XPO7: variants seen among roughly 807,000 people sequenced by gnomAD.
XPO7 encodes exportin 7.
In XPO7, 21 loss-of-function variants were observed where a neutral mutation model predicts 144.3. The observed-to-expected ratio is 0.15, with a 90% confidence interval of 0.10 to 0.21. The LOEUF is 0.21. Ranked by LOEUF, XPO7 falls within the 10% of genes least tolerant of loss-of-function variation. XPO7 has a pLI of 1.00. For synonymous variants in XPO7, 580 were observed against 499.6 expected (o/e 1.16, Z -2.15); for missense variants, 808 against 1,325.8 (o/e 0.61, Z 6.06).
chr8:21,932,289 A>G (rs558190441), intron 1 of XPO7, among the ~76,000 whole-genome samples: 16 of 152,330 alleles, frequency 1.1e-4, no homozygotes, highest in African/African-American at 3.6e-4. Context: ...ATATTTTACA[A>G]AACTATTAAG....
intron 24 of XPO7, among the ~76,000 whole-genome samples, chr8:22,001,538 A>G (rs2095296352): frequency 1.3e-5 from 2 of 152,196 alleles, no homozygotes; most frequent in Non-Finnish European, 2.9e-5. Context: ...CAGATAATAC[A>G]GCATACCGTG....
chr8:21,978,461 T>C (rs1812295716), intron 8 of XPO7, among the ~76,000 whole-genome samples: 1 of 152,220 alleles, frequency 6.6e-6, no homozygotes, highest in African/African-American at 2.4e-5. Flanking sequence ...TGCATAGTGT[T>C]TGTTCAGTAG....
Position 21,991,924 on chromosome 8 carries a change from G to T in XPO7, c.2098G>T (p.Ala700Ser). 1 of 1,613,724 alleles carries T rather than the reference G, an allele frequency of 6.2e-7. No homozygotes were observed. Among genetic ancestry groups the T allele is most frequent in the Non-Finnish European group, 8.5e-7 (1 of 1,179,840 alleles). ...GCTGCCACTCACAGCAGCATTTGAG[G>T]CTGTGGCCCAGATGTTTAGCACCAA... ...FMLPLTAAFE[A>S]VAQMFSTNSF... The change falls in exon 19 of 28, where the codon GCT becomes TCT. Residue 700 changes from alanine (A) to serine (S), a missense_variant. Ala to Ser is a moderately conservative substitution (Grantham distance 99). Coordinates refer to ENST00000252512, the MANE Select transcript of XPO7 (RefSeq NM_015024.5).
chr8:21,928,065 A>G (rs1810520970), intron 1 of XPO7, among the ~76,000 whole-genome samples: 1 of 152,248 alleles, frequency 6.6e-6, no homozygotes, highest in South Asian at 2.1e-4. Flanking sequence ...GGATCAAAAT[A>G]TGGAACATTT....
intron 4 of XPO7, 150 bp downstream of exon 4, chr8:21,970,460 A>T (rs187159562): frequency 1.1e-6 from 1 of 904,966 alleles, no homozygotes; most frequent in Non-Finnish European, 1.5e-6. Flanking sequence ...TCTCTTCTGC[A>T]TGTTTTTTAC....
At chr8:21,963,857 A>G (rs1585446096) in intron 1 of XPO7, among the ~76,000 whole-genome samples, 1 of 152,312 alleles carries the variant, frequency 6.6e-6, no homozygotes, top group Middle Eastern at 3.4e-3. Flanking sequence ...ACAAATTATT[A>G]TATTCTAAGG....
At chr8:21,924,195 G>T (rs1191152705) in intron 1 of XPO7, among the ~76,000 whole-genome samples, 1 of 152,132 alleles carries the variant, frequency 6.6e-6, no homozygotes, top group Non-Finnish European at 1.5e-5. Flanking sequence ...CTCTCCTAGT[G>T]CATCATTTTT....
At chr8:21,943,627 C>A (rs1811065512) in intron 1 of XPO7, among the ~76,000 whole-genome samples, 1 of 152,124 alleles carries the variant, frequency 6.6e-6, no homozygotes, top group Non-Finnish European at 1.5e-5. Flanking sequence ...AATACAGAAT[C>A]CTGTTTCTTC....
chr8:21,927,521 A>G (rs1810496276), intron 1 of XPO7, among the ~76,000 whole-genome samples: 1 of 150,006 alleles, frequency 6.7e-6, no homozygotes, highest in Admixed American at 6.7e-5. Context: ...ATAGGGTGAG[A>G]CTTAAAAAAA....
intron 24 of XPO7, among the ~76,000 whole-genome samples, chr8:22,000,540 C>T (rs371691090): frequency 6.5e-4 from 97 of 149,520 alleles, no homozygotes; most frequent in African/African-American, 2.2e-3. Context: ...GCAACCTCTG[C>T]CTCCCGGGTT....
At chr8:21,955,413 G>A (rs575810510) in intron 1 of XPO7, among the ~76,000 whole-genome samples, 1 of 152,264 alleles carries the variant, frequency 6.6e-6, no homozygotes, top group African/African-American at 2.4e-5. Context: ...TGTCAATTGA[G>A]GGCTTTTCTG....
At position 21,998,049 on chromosome 8, in the gene XPO7, G is replaced by C. The variant is rs571056679; in HGVS notation, c.2346-706G>C. 3.3e-5 allele frequency among the ~76,000 whole-genome samples: 5 copies of C among 152,238 alleles called. No individual in the cohort carries two copies. In the East Asian group the frequency reaches 9.7e-4, roughly 29 times the overall value. On this transcript the variant is annotated intron_variant, in intron 21 of 27. Transcript: ENST00000252512. ...TCATATAAAATGGTAACAATGCTTT[G>C]GCCCCTCTCCCTCAGTTGCCACTGA...
rs1175195092 is a variant in XPO7, at chr8:21,985,632, C to T, written c.1518C>T (p.Gly506=). The T allele has an allele frequency of 5.0e-6, 8 of 1,613,842 alleles. No homozygotes were observed. The highest frequency in any genetic ancestry group is 2.7e-5 in the African/African-American group (2 of 75,026). Residue 506 remains glycine (G), a synonymous_variant, in exon 13 of 28, where the codon GGC becomes GGT. Transcript: ENST00000252512. ...ACATTATTGGAGCAGTGATCGGTGG[C>T]CGGGTTTCTTTTGCCAGCACTGATG... The part of the protein sequence containing the change: ...LVYIIGAVIG[G]RVSFASTDEQ...
intron 1 of XPO7, among the ~76,000 whole-genome samples, chr8:21,938,826 A>G (rs796289060): frequency 4.7e-4 from 71 of 152,310 alleles, no homozygotes; most frequent in African/African-American, 1.7e-3. Flanking sequence ...GACTATCTCA[A>G]GATCCCAGAT....
chr8:21,946,216 G>C (rs944876093), intron 1 of XPO7, among the ~76,000 whole-genome samples: 1 of 152,110 alleles, frequency 6.6e-6, no homozygotes, highest in Non-Finnish European at 1.5e-5. Context: ...TCACACTTCG[G>C]ATACTGACTT....
chr8:21,962,014 C>G (rs1811741023), intron 1 of XPO7, among the ~76,000 whole-genome samples: 1 of 152,200 alleles, frequency 6.6e-6, no homozygotes, highest in Non-Finnish European at 1.5e-5. Context: ...TTTACATTCC[C>G]TGATGATTAT....
In XPO7 at chr8:21,919,741, GGGGCCGGAGAGGA is replaced by G; in HGVS notation, c.-28_-16del. The G allele has an allele frequency of 2.5e-6, 1 of 404,566 alleles. No homozygotes were observed. Among genetic ancestry groups the G allele is most frequent in the Non-Finnish European group, 3.6e-6 (1 of 274,492 alleles). The allele number at this position is 404,566 out of a possible 1,614,324, so 25.1% of individuals were successfully genotyped here. On this transcript the variant is annotated 5_prime_UTR_variant, in exon 1 of 28. Transcript: ENST00000252512. ...CCGAGGTGCGCGCTGGGGGGGAGGG[GGGGCCGGAGAGGA>G]GCATGAATGGAGCAAAATGGCGGAT...
intron 1 of XPO7, among the ~76,000 whole-genome samples, chr8:21,923,868 A>C (rs1415640198): frequency 6.6e-6 from 1 of 152,226 alleles, no homozygotes; most frequent in Non-Finnish European, 1.5e-5. Flanking sequence ...GTCTCTCTGT[A>C]GGTACAACTA....
At chr8:21,941,472 C>A (rs2928005) in intron 1 of XPO7, among the ~76,000 whole-genome samples, 7 of 152,132 alleles carry the variant, frequency 4.6e-5, no homozygotes, top group African/African-American at 1.7e-4. Context: ...TAAATCATCT[C>A]TAGATTACTT....
Sources: allele counts gnomAD v4.1 joint callset (sites outside exome capture counted in the v4.1 genomes callset), GRCh38; gene constraint gnomAD v4.1.1; transcripts MANE v1.5; gene names NCBI Gene and HGNC (gene_info 2026-07-23, HGNC 2026-07-21).